INTS6: variants seen among roughly 807,000 people sequenced by gnomAD.
The protein encoded by INTS6 is integrator complex subunit 6, also known as DEAD box protein.
A neutral mutation model predicts 104.9 loss-of-function variants in INTS6; 16 were observed. That is an observed-to-expected ratio of 0.15 (90% CI 0.10 to 0.23). INTS6 has a LOEUF of 0.23. Ranked by LOEUF, INTS6 falls within the 10% of genes least tolerant of loss-of-function variation. The probability of loss-of-function intolerance (pLI) is 1.00; values close to 1 mark genes in which losing one functional copy is unlikely to be tolerated. For synonymous variants in INTS6, 324 were observed against 358.7 expected (o/e 0.90, Z 1.09); for missense variants, 584 against 1,062.8 (o/e 0.55, Z 6.26).
chr13:51,404,589 A>G (rs976539247), intron 4 of INTS6, among the ~76,000 whole-genome samples: 12 of 152,320 alleles, frequency 7.9e-5, no homozygotes, highest in African/African-American at 2.9e-4. Flanking sequence ...TCAATGTATA[A>G]GATGTATACT....
chr13:51,429,656 C>CG (rs954137276), intron 4 of INTS6, among the ~76,000 whole-genome samples: 6 of 148,082 alleles, frequency 4.1e-5, no homozygotes, highest in African/African-American at 1.5e-4. Flanking sequence ...CCCAGTTACT[C>CG]GGGAGGCTGA....
At chr13:51,404,573 T>C (rs1244052755) in intron 4 of INTS6, among the ~76,000 whole-genome samples, 1 of 152,114 alleles carries the variant, frequency 6.6e-6, no homozygotes, top group Non-Finnish European at 1.5e-5. Context: ...AAACACTCCA[T>C]CCAGCTCAAT....
chr13:51,365,909 T>C lies in INTS6; in HGVS notation c.2571-64A>G, dbSNP rs540941243. On this transcript the variant is annotated intron_variant, in intron 17 of 17. Coordinates refer to ENST00000311234, the MANE Select transcript of INTS6 (RefSeq NM_012141.3). ...AATGAATAGTATATATCAGTATAAT[T>C]TTTTTAAGAAAGGAGAGAAAATTTT... 9.3e-5 allele frequency: 87 copies of C among 940,208 alleles called. No individual in the cohort carries two copies. The South Asian group carries it at 1.1e-3, about 12-fold the overall frequency. The allele number at this position is 940,208 out of a possible 1,614,324, so 58.2% of individuals were successfully genotyped here. A position where few individuals can be genotyped will look rare whatever the true frequency, so the allele number is the denominator to read the frequency against.
the INTS6 span, among the ~76,000 whole-genome samples, chr13:51,338,939 T>C: frequency 6.6e-6 from 1 of 152,250 alleles, no homozygotes; most frequent in African/African-American, 2.4e-5. Flanking sequence ...ACCATCTATT[T>C]TGAACTTAAT....
intron 3 of INTS6, chr13:51,450,416 C>CT (rs781605591): frequency 1.0e-6 from 1 of 981,884 alleles, no homozygotes. Context: ...TTCCAGCAGT[C>CT]TTTTTTTCCA....
At chr13:51,403,364 C>T (rs186756916) in intron 4 of INTS6, among the ~76,000 whole-genome samples, 63 of 152,038 alleles carry the variant, frequency 4.1e-4, no homozygotes, top group African/African-American at 1.4e-3. Context: ...TCACGGATCA[C>T]GAGGTCAGCA....
At chr13:51,335,416 C>T in the INTS6 span, among the ~76,000 whole-genome samples, 1 of 152,046 alleles carries the variant, frequency 6.6e-6, no homozygotes, top group African/African-American at 2.4e-5. Flanking sequence ...ATTGGTAACC[C>T]ATCAAATCCA....
chr13:51,361,347 A>C (rs1196246920), downstream of INTS6: 1 of 1,607,070 alleles, frequency 6.2e-7, no homozygotes, highest in African/African-American at 1.3e-5. Context: ...GAAGGCACCA[A>C]GGCATCTGGA....
At chr13:51,389,202 T>A in intron 6 of INTS6, 117 bp downstream of exon 6, 1 of 985,328 alleles carries the variant, frequency 1.0e-6, no homozygotes, top group Admixed American at 2.6e-5. Flanking sequence ...CAACAGCCTT[T>A]CTGTCTTAAT....
chr13:51,448,131 A>G (rs1164408880), intron 3 of INTS6: 3 of 152,250 alleles, frequency 2.0e-5, no homozygotes, highest in Non-Finnish European at 4.4e-5. Flanking sequence ...TCATCTACAT[A>G]TAAAACTTTA....
chr13:51,445,161 T>A (rs1334222125), intron 3 of INTS6: 1 of 152,234 alleles, frequency 6.6e-6, no homozygotes, highest in African/African-American at 2.4e-5. Flanking sequence ...TTTTTTCACA[T>A]AAGTATTCTT....
chr13:51,366,483 G>A (rs941793731), intron 17 of INTS6, among the ~76,000 whole-genome samples: 3 of 152,018 alleles, frequency 2.0e-5, no homozygotes, highest in Non-Finnish European at 2.9e-5. Context: ...AACTGCTGAC[G>A]GTTTTAAGAA....
chr13:51,355,703 T>C (rs1002484212), intron 3 of INTS6, among the ~76,000 whole-genome samples: 2 of 152,208 alleles, frequency 1.3e-5, no homozygotes, highest in African/African-American at 4.8e-5. Flanking sequence ...GAATTGCTAC[T>C]ACCAATCAAT....
intron 4 of INTS6, among the ~76,000 whole-genome samples, chr13:51,411,274 C>A (rs940227839): frequency 6.6e-6 from 1 of 151,128 alleles, no homozygotes; most frequent in Non-Finnish European, 1.5e-5. Flanking sequence ...AGCACATGGG[C>A]CAGGTGCAGT....
At chr13:51,337,531 G>T in the INTS6 span, among the ~76,000 whole-genome samples, 1 of 152,172 alleles carries the variant, frequency 6.6e-6, no homozygotes, top group African/African-American at 2.4e-5. Context: ...GATTTTAAGA[G>T]ACCTCATCCC....
chr13:51,414,759 T>C (rs1267231977), intron 4 of INTS6, among the ~76,000 whole-genome samples: 2 of 151,924 alleles, frequency 1.3e-5, no homozygotes, highest in African/African-American at 2.4e-5. Flanking sequence ...CAAGAAAATA[T>C]GTAAGTACTA....
rs1288156413 is a variant in INTS6 at position 51,367,850 on chromosome 13, T to G, written c.2525A>C (p.Gln842Pro). 1.3e-6 allele frequency: 2 copies of G among 1,597,178 alleles called. No homozygotes were observed. Among genetic ancestry groups the G allele is most frequent in the Admixed American group, 3.5e-5 (2 of 56,814 alleles). Residue 842 changes from glutamine to proline, a missense_variant, in exon 17 of 18, where the codon CAA becomes CCA. Physicochemically the swap from Gln to Pro is moderately conservative, Grantham distance 76. Coordinates refer to ENST00000311234, the MANE Select transcript of INTS6 (RefSeq NM_012141.3). ...ATTTTGTAAAAATATTAGTCTTGTT[T>G]GTAAACTGCCTTGCACATGCTTCAG... Reference protein sequence around the residue: ...TLLKHVQGSLQTRLIFLQNVI... With the variant: ...TLLKHVQGSLPTRLIFLQNVI...
intron 3 of INTS6, among the ~76,000 whole-genome samples, chr13:51,432,909 C>A (rs1215028228): frequency 6.6e-6 from 1 of 152,134 alleles, no homozygotes; most frequent in East Asian, 1.9e-4. Context: ...GTACACATAA[C>A]AATAAATCTC....
intron 5 of INTS6, among the ~76,000 whole-genome samples, chr13:51,394,361 C>T (rs1566221523): frequency 6.6e-6 from 1 of 152,078 alleles, no homozygotes; most frequent in Admixed American, 6.6e-5. Context: ...AGGTTAATCC[C>T]TTTTTGTCTG....
Sources: gnomAD v4.1 joint callset for allele counts (sites outside exome capture counted in the v4.1 genomes callset) on GRCh38, gnomAD v4.1.1 for gene constraint, MANE v1.5 for transcripts, NCBI Gene and HGNC (gene_info 2026-07-23, HGNC 2026-07-21) for gene names.